THSD7B: variants seen among roughly 807,000 people sequenced by gnomAD.
The protein encoded by THSD7B is thrombospondin type 1 domain containing 7B.
A neutral mutation model predicts 213.6 loss-of-function variants in THSD7B; 138 were observed. That is an observed-to-expected ratio of 0.65 (90% confidence interval 0.56 to 0.74). The LOEUF (loss-of-function observed/expected upper bound fraction) is 0.74, where lower values mean the gene tolerates loss of function less well. THSD7B is among the 30% of genes least tolerant of loss of function. The pLI is 0.00. For missense variants in THSD7B, 1,931 were observed against 1,991.5 expected (o/e 0.97, Z 0.58); for synonymous variants, 742 against 687.0 (o/e 1.08, Z -1.25).
chr2:137,225,909 G>C (rs1205441317), intron 7 of THSD7B, among the ~76,000 whole-genome samples: 1 of 151,674 alleles, frequency 6.6e-6, no homozygotes, highest in Non-Finnish European at 1.5e-5. Flanking sequence ...CTTAGCTTTT[G>C]TTCCATATTT....
At chr2:137,450,812 C>T in intron 14 of THSD7B, 33 bp from the exon 15 acceptor site, 1 of 1,502,332 alleles carries the variant, frequency 6.7e-7, no homozygotes, top group Non-Finnish European at 9.0e-7. Flanking sequence ...ACATTTTAAT[C>T]AGACTTTCTT....
chr2:137,369,383 A>G (rs940223679), intron 12 of THSD7B, among the ~76,000 whole-genome samples: 1 of 152,180 alleles, frequency 6.6e-6, no homozygotes, highest in Admixed American at 6.6e-5. Context: ...TCTGAGGAGT[A>G]GAGATGCCCT....
chr2:137,250,033 AC>A (rs1182862217), intron 10 of THSD7B, among the ~76,000 whole-genome samples: 1 of 152,172 alleles, frequency 6.6e-6, no homozygotes, highest in Non-Finnish European at 1.5e-5. Context: ...AGGAGCAAAG[AC>A]CAAGTTAAAA....
intron 20 of THSD7B, among the ~76,000 whole-genome samples, chr2:137,623,635 A>G (rs1021260779): frequency 6.6e-6 from 1 of 152,234 alleles, no homozygotes; most frequent in African/African-American, 2.4e-5. Context: ...GCAAAATCTC[A>G]GGATACAAAA....
At chr2:137,194,955 T>C (rs1680728834) in intron 7 of THSD7B, among the ~76,000 whole-genome samples, 2 of 152,248 alleles carry the variant, frequency 1.3e-5, no homozygotes, top group South Asian at 4.1e-4. Flanking sequence ...TGATTAATAG[T>C]GGTAGAAACA....
chr2:137,605,648 CTTTTTTTTTTTTTTTTTTTTTTTTTTT>C (rs34604281), intron 17 of THSD7B, among the ~76,000 whole-genome samples: 49 of 69,024 alleles, frequency 7.1e-4, no homozygotes, highest in African/African-American at 2.5e-3. Context: ...GCACTTCGCA[CTTTTTTTTTTTTTTTTTTTTTTTTTTT>C]TTTTTTTTTT....
intron 15 of THSD7B, among the ~76,000 whole-genome samples, chr2:137,546,412 A>AT (rs1680721197): frequency 2.9e-5 from 1 of 33,946 alleles, no homozygotes; most frequent in African/African-American, 1.8e-4. Context: ...TATTATATAT[A>AT]TATTATATAT....
chr2:137,003,554 G>A (rs974918976), intron 2 of THSD7B, among the ~76,000 whole-genome samples: 2 of 152,138 alleles, frequency 1.3e-5, no homozygotes, highest in South Asian at 2.1e-4. Context: ...TACATTTCAC[G>A]TAATGATCCT....
At chr2:137,049,602 GCTGT>G (rs141511359) in intron 2 of THSD7B, among the ~76,000 whole-genome samples, 5,509 of 152,186 alleles carry the variant, frequency 0.036, 330 homozygotes, top group African/African-American at 0.12. Flanking sequence ...ATTTCTGATT[GCTGT>G]CTGAGGGTTC....
chr2:136,850,547 A>G (rs778210), intron 1 of THSD7B, among the ~76,000 whole-genome samples: 119,209 of 151,770 alleles, frequency 0.79, 47,102 homozygotes, highest in Middle Eastern at 0.93. Context: ...TCTTGTTGCA[A>G]GACTTCTAAA....
chr2:137,553,134 C>A (rs1175827389), intron 15 of THSD7B, among the ~76,000 whole-genome samples: 1 of 152,104 alleles, frequency 6.6e-6, no homozygotes, highest in Non-Finnish European at 1.5e-5. Context: ...GATCTCTGGT[C>A]CCAGATGGGC....
chr2:137,471,480 C>G (rs1229017459), intron 15 of THSD7B, among the ~76,000 whole-genome samples: 1 of 151,816 alleles, frequency 6.6e-6, no homozygotes, highest in African/African-American at 2.4e-5. Context: ...AGGAAGAGCC[C>G]GTCTTCACAC....
chr2:137,316,826 G>C (rs1343288575), intron 12 of THSD7B, among the ~76,000 whole-genome samples: 1 of 152,046 alleles, frequency 6.6e-6, no homozygotes, highest in African/African-American at 2.4e-5. Context: ...AATTTTGATG[G>C]GGAGAGGATG....
At chr2:137,280,813 A>G (rs1333773346) in intron 12 of THSD7B, among the ~76,000 whole-genome samples, 3 of 152,148 alleles carry the variant, frequency 2.0e-5, no homozygotes, top group Non-Finnish European at 4.4e-5. Context: ...AAACGTTAGT[A>G]CTAAAAAAAG....
intron 12 of THSD7B, among the ~76,000 whole-genome samples, chr2:137,336,581 G>A (rs1210759229): frequency 1.3e-5 from 2 of 152,118 alleles, no homozygotes; most frequent in Non-Finnish European, 2.9e-5. Context: ...AAACTCAGCA[G>A]ATCAGTTGCA....
At chr2:137,529,251 T>C (rs1680336314) in intron 15 of THSD7B, among the ~76,000 whole-genome samples, 1 of 152,094 alleles carries the variant, frequency 6.6e-6, no homozygotes, top group South Asian at 2.1e-4. Flanking sequence ...TGAGGTACTC[T>C]GTGGATATTT....
chr2:136,939,282 T>C (rs372809521), intron 2 of THSD7B, among the ~76,000 whole-genome samples: 7 of 152,162 alleles, frequency 4.6e-5, no homozygotes, highest in African/African-American at 1.7e-4. Flanking sequence ...CCCACCACCC[T>C]AGCAACATCT....
intron 15 of THSD7B, among the ~76,000 whole-genome samples, chr2:137,515,389 A>C (rs1324173516): frequency 3.3e-5 from 5 of 152,176 alleles, no homozygotes; most frequent in South Asian, 2.1e-4. Context: ...GTTGCCAGAC[A>C]AAACAATATT....
At chr2:137,567,490 T>G (rs1017179612) in intron 16 of THSD7B, among the ~76,000 whole-genome samples, 1 of 152,118 alleles carries the variant, frequency 6.6e-6, no homozygotes, top group South Asian at 2.1e-4. Context: ...CAGAGTGTAG[T>G]GTAGAACAGC....
Sources: allele counts gnomAD v4.1 joint callset (sites outside exome capture counted in the v4.1 genomes callset), GRCh38; gene constraint gnomAD v4.1.1; transcripts MANE v1.5; gene names NCBI Gene and HGNC (gene_info 2026-07-23, HGNC 2026-07-21).